RGPD4: variants seen among roughly 807,000 people sequenced by gnomAD.
The protein encoded by RGPD4 is ranBP2-like and GRIP domain-containing protein 4.
A neutral mutation model predicts 141.1 loss-of-function variants in RGPD4; 84 were observed. That is an observed-to-expected ratio of 0.60 (90% CI 0.50 to 0.71). The LOEUF (loss-of-function observed/expected upper bound fraction) is 0.71. RGPD4 is among the 30% of genes least tolerant of loss of function. RGPD4 has a pLI of 0.00. For synonymous variants in RGPD4, 298 were observed against 566.8 expected (o/e 0.53, Z 6.74); for missense variants, 918 against 1,622.4 (o/e 0.57, Z 7.46).
In RGPD4 at chr2:107,871,191, C is replaced by T; in HGVS notation, c.3187C>T (p.Gln1063Ter). The change falls in exon 20 of 23, where the codon CAG (glutamine) becomes TAG (stop). Residue 1063 changes from glutamine (Q) to a stop codon, truncating the protein, a stop_gained. Transcript: ENST00000408999. LOFTEE classifies it high-confidence loss of function. ...AGAAGGTGAAAAAGTTCTGTATTCA[C>T]AGGGGGTAAAACTATTTAGATTTGA... ...GEEGEKVLYS[Q>*]GVKLFRFDAE... is the part of the protein sequence containing the mutation. 6.2e-7 allele frequency: 1 copy of T among 1,609,844 alleles called. No individual in the cohort carries two copies. The highest frequency in any genetic ancestry group is 1.1e-5 in the South Asian group (1 of 90,890).
Position 107,871,723 on chromosome 2 carries a change from C to T in RGPD4, c.3719C>T (p.Pro1240Leu). The change falls in exon 20 of 23, where the codon CCT (proline) becomes CTT (leucine). Residue 1240 changes from proline (P) to leucine (L), a missense_variant. Pro to Leu is a moderately conservative substitution (Grantham distance 98, BLOSUM62 -3). Transcript: ENST00000408999. Reference protein sequence around the residue: ...GASDTTIKPNPENTGPTLEWD... With the variant: ...GASDTTIKPNLENTGPTLEWD... Reference sequence around the variant, plus strand: ...TCAGACACAACAATAAAACCCAATCCTGAAAACACTGGGCCCACATTAGAA... The same window carrying T: ...TCAGACACAACAATAAAACCCAATCTTGAAAACACTGGGCCCACATTAGAA... 1.9e-6 allele frequency: 3 copies of T among 1,610,682 alleles called. No homozygotes were observed. The highest frequency in any genetic ancestry group is 2.5e-6 in the Non-Finnish European group (3 of 1,179,780).
At chr2:107,873,677 T>C (rs1683009517) in intron 20 of RGPD4, among the ~76,000 whole-genome samples, 1 of 151,682 alleles carries the variant, frequency 6.6e-6, no homozygotes, top group Admixed American at 6.6e-5. Context: ...AGAATGAAAC[T>C]ACAGGGATAA....
At chr2:107,888,480 TA>T (rs914248863) in intron 22 of RGPD4, among the ~76,000 whole-genome samples, 1 of 151,110 alleles carries the variant, frequency 6.6e-6, no homozygotes, top group African/African-American at 2.4e-5. Flanking sequence ...TGTCCATCCC[TA>T]AGCAATATCG....
intron 6 of RGPD4, among the ~76,000 whole-genome samples, chr2:107,846,761 C>CA (rs1437817371): frequency 6.6e-6 from 1 of 151,548 alleles, no homozygotes; most frequent in Non-Finnish European, 1.5e-5. Flanking sequence ...AGCCACCGCA[C>CA]AGGGCCAATA....
rs961128462 is a variant in RGPD4 at position 107,826,906 on chromosome 2, C to A, written c.-108C>A. ...ACAAGTTCGTCACAGTGGTCCTCCG[C>A]CGGCTACGCGGAGTCAGTGGCTTTC... On this transcript the variant is annotated 5_prime_UTR_variant, in exon 1 of 23. Transcript: ENST00000408999. 12 of 1,543,918 alleles carry A rather than the reference C, an allele frequency of 7.8e-6. No homozygotes were observed. Among genetic ancestry groups the A allele is most frequent in the African/African-American group, 1.4e-5 (1 of 72,678 alleles).
rs375860848 is a variant in RGPD4, at chr2:107,883,147, C to T, written c.5266+274C>T. 9.5e-4 allele frequency: 616 copies of T among 650,090 alleles called. 2 individuals carry two copies. Among genetic ancestry groups the T allele is most frequent in the Middle Eastern group, 5.7e-3 (14 of 2,456 alleles). 40.3% of individuals were successfully genotyped at this position (650,090 alleles called of 1,614,324 possible). A position where few individuals can be genotyped will look rare whatever the true frequency, so the allele number is the denominator to read the frequency against. On this transcript the variant is annotated intron_variant, in intron 22 of 22. Transcript: ENST00000408999. ...AAATTGGATTTTTATCCTGGTGTTG[C>T]GTTCTGGTGTTCAGCTGAACGTGGT...
At chr2:107,827,626 G>A (rs1424561082) in intron 1 of RGPD4, among the ~76,000 whole-genome samples, 14 of 51,596 alleles carry the variant, frequency 2.7e-4, no homozygotes, top group African/African-American at 3.9e-4. Context: ...TGGCTCAGGC[G>A]TCATGGCTCC....
At chr2:107,880,932 T>G (rs939677450) in intron 21 of RGPD4, among the ~76,000 whole-genome samples, 1 of 151,768 alleles carries the variant, frequency 6.6e-6, no homozygotes, top group Non-Finnish European at 1.5e-5. Context: ...ATAGTCATAC[T>G]GCTTGTTGAG....
At chr2:107,890,382 T>A (rs77322452) in intron 22 of RGPD4, among the ~76,000 whole-genome samples, 1 of 131,516 alleles carries the variant, frequency 7.6e-6, no homozygotes, top group South Asian at 2.7e-4. Context: ...CCTGCATCTC[T>A]ACAAAAAAAC....
At chr2:107,873,718 A>G (rs1054115678) in intron 20 of RGPD4, among the ~76,000 whole-genome samples, 5 of 151,850 alleles carry the variant, frequency 3.3e-5, no homozygotes, top group African/African-American at 1.2e-4. Flanking sequence ...GGTGGTATAA[A>G]TTGAGGGATT....
rs532845483 is a variant in RGPD4, at chr2:107,833,166, G to C, written c.73-3436G>C. Among the ~76,000 whole-genome samples the C allele has an allele frequency of 8.9e-3, 1,329 of 150,040 alleles. 18 individuals carry two copies. Among genetic ancestry groups the C allele is most frequent in the African/African-American group, 0.031 (1,244 of 40,492 alleles). On this transcript the variant is annotated intron_variant, in intron 1 of 22. Coordinates refer to ENST00000408999, the MANE Select transcript of RGPD4 (RefSeq NM_182588.3). Reference sequence around the variant, plus strand: ...TTTGTTGAGAACAGCAGCTTTTTTGGAGGATTTTAGGGGGAGGGAGATTCA... The same window carrying C: ...TTTGTTGAGAACAGCAGCTTTTTTGCAGGATTTTAGGGGGAGGGAGATTCA...
chr2:107,885,793 C>G (rs1162708668), intron 22 of RGPD4, among the ~76,000 whole-genome samples: 1 of 151,966 alleles, frequency 6.6e-6, no homozygotes, highest in Non-Finnish European at 1.5e-5. Context: ...GTGGCTCACA[C>G]CTGTAATCCA....
At chr2:107,877,846 G>A (rs573693012) in intron 20 of RGPD4, among the ~76,000 whole-genome samples, 41 of 151,706 alleles carry the variant, frequency 2.7e-4, no homozygotes, top group South Asian at 1.0e-3. Flanking sequence ...CTGGAATCTC[G>A]CTCTGTCGCC....
chr2:107,885,755 T>A (rs981821867), intron 22 of RGPD4, among the ~76,000 whole-genome samples: 8 of 152,038 alleles, frequency 5.3e-5, no homozygotes, highest in African/African-American at 1.4e-4. Context: ...ATTCTCTCTT[T>A]AAGAGAGAGA....
chr2:107,862,973 T>G lies in RGPD4; in HGVS notation c.2410T>G (p.Trp804Gly), dbSNP rs1231936625. 6.3e-7 allele frequency: 1 copy of G among 1,597,230 alleles called. No individual in the cohort carries two copies. Among genetic ancestry groups the G allele is most frequent in the Non-Finnish European group, 8.5e-7 (1 of 1,175,236 alleles). The part of the protein sequence containing the change: ...YKYSPKTPPR[W>G]AEDQNSLLKM... ...GTATTCTCCCAAAACACCACCTCGATGGGCAGAAGATCAGAATTCTTTACT... is the reference window on the plus strand; with the variant it reads ...GTATTCTCCCAAAACACCACCTCGAGGGGCAGAAGATCAGAATTCTTTACT... The change falls in exon 17 of 23, where the codon TGG becomes GGG. Residue 804 changes from tryptophan (W) to glycine (G), a missense_variant. Transcript: ENST00000408999.
intron 21 of RGPD4, among the ~76,000 whole-genome samples, chr2:107,880,494 A>G (rs1675329597): frequency 1.3e-5 from 2 of 151,514 alleles, no homozygotes; most frequent in South Asian, 4.1e-4. Context: ...CGATCTCCTG[A>G]CCTCATGATC....
At chr2:107,830,510 GT>G (rs1185233979) in intron 1 of RGPD4, among the ~76,000 whole-genome samples, 1 of 152,058 alleles carries the variant, frequency 6.6e-6, no homozygotes, top group Non-Finnish European at 1.5e-5. Context: ...TTGACGATTG[GT>G]TATTATGGCA....
intron 8 of RGPD4, among the ~76,000 whole-genome samples, chr2:107,855,470 C>A (rs984231252): frequency 2.6e-5 from 4 of 151,922 alleles, no homozygotes; most frequent in African/African-American, 9.7e-5. Flanking sequence ...CTCATAAGTG[C>A]CTTTGCGTGG....
At chr2:107,859,652 A>G (rs1222236931) in intron 11 of RGPD4, 70 bp from the exon 12 acceptor site, 12 of 1,611,192 alleles carry the variant, frequency 7.4e-6, no homozygotes, top group East Asian at 2.2e-5. Context: ...GTGACCCATT[A>G]ACATATATGT....
Sources: allele counts gnomAD v4.1 joint callset (sites outside exome capture counted in the v4.1 genomes callset), GRCh38; gene constraint gnomAD v4.1.1; transcripts MANE v1.5; gene names NCBI Gene and HGNC (gene_info 2026-07-23, HGNC 2026-07-21).